ADGRB3: variants seen among roughly 807,000 people sequenced by gnomAD.
ADGRB3 encodes the protein adhesion G protein-coupled receptor B3.
ADGRB3 carries 37 observed loss-of-function variants against 193.4 expected under a neutral mutation model. That is an observed-to-expected ratio of 0.19 (90% CI 0.15 to 0.25). The LOEUF is 0.25. Ranked by LOEUF, ADGRB3 falls within the 10% of genes least tolerant of loss-of-function variation. The pLI is 1.00. For missense variants in ADGRB3, 1,637 were observed against 1,852.9 expected (o/e 0.88, Z 2.14); for synonymous variants, 690 against 644.2 (o/e 1.07, Z -1.08).
chr6:69,127,184 T>G (rs778903898), intron 17 of ADGRB3, among the ~76,000 whole-genome samples: 3 of 152,178 alleles, frequency 2.0e-5, no homozygotes, highest in Non-Finnish European at 2.9e-5. Flanking sequence ...TGACTAAAAT[T>G]TTCCTGGTTG....
At chr6:69,167,742 T>A (rs1582513715) in intron 17 of ADGRB3, among the ~76,000 whole-genome samples, 1 of 152,134 alleles carries the variant, frequency 6.6e-6, no homozygotes, top group East Asian at 1.9e-4. Context: ...TCTCCTGCCC[T>A]CCCACAAGGT....
intron 17 of ADGRB3, among the ~76,000 whole-genome samples, chr6:69,120,024 A>T (rs1773640135): frequency 6.6e-6 from 1 of 152,150 alleles, no homozygotes; most frequent in Admixed American, 6.5e-5. Context: ...TCAGATTCCA[A>T]AGATCATTTG....
At chr6:69,301,624 G>A (rs942267075) in intron 20 of ADGRB3, among the ~76,000 whole-genome samples, 5 of 151,862 alleles carry the variant, frequency 3.3e-5, no homozygotes, top group East Asian at 1.9e-4. Context: ...TAAGAGAAAA[G>A]TTATGACATT....
chr6:69,374,928 T>C (rs1769782228), intron 30 of ADGRB3, among the ~76,000 whole-genome samples: 1 of 152,080 alleles, frequency 6.6e-6, no homozygotes, highest in African/African-American at 2.4e-5. Context: ...ATAGCCACAC[T>C]GAATTTCAAA....
intron 16 of ADGRB3, among the ~76,000 whole-genome samples, chr6:69,073,326 C>T (rs1254890563): frequency 6.6e-6 from 1 of 152,180 alleles, no homozygotes; most frequent in African/African-American, 2.4e-5. Flanking sequence ...AGAGATGTGA[C>T]TACCAGTGGG....
At chr6:69,104,267 A>C (rs1448385975) in intron 17 of ADGRB3, among the ~76,000 whole-genome samples, 1 of 141,746 alleles carries the variant, frequency 7.1e-6, no homozygotes, top group African/African-American at 2.6e-5. Flanking sequence ...ATTCCCACCT[A>C]TGAGTGAGAA....
At position 69,344,027 on chromosome 6, in the gene ADGRB3, C is replaced by G. The variant is rs553720073; in HGVS notation, c.3459+4523C>G. On this transcript the variant is annotated intron_variant, in intron 26 of 31. Coordinates refer to ENST00000370598, the MANE Select transcript of ADGRB3 (RefSeq NM_001704.3). ...TGCTAGGAAACCACTTTCTTGGTGCCTGCACATTCTTCTCATCTTTCTGTC... is the reference window on the plus strand; with the variant it reads ...TGCTAGGAAACCACTTTCTTGGTGCGTGCACATTCTTCTCATCTTTCTGTC... Among the ~76,000 whole-genome samples the G allele has an allele frequency of 2.0e-5, 3 of 152,276 alleles. No individual in the cohort carries two copies. In the East Asian group the frequency reaches 5.8e-4, roughly 29 times the overall value.
At chr6:69,228,113 C>T (rs560815359) in intron 17 of ADGRB3, among the ~76,000 whole-genome samples, 2 of 152,084 alleles carry the variant, frequency 1.3e-5, no homozygotes, top group East Asian at 1.9e-4. Context: ...AAAAATGAGC[C>T]GGGTGCAGTG....
chr6:68,852,765 T>C (rs951943736), intron 3 of ADGRB3, among the ~76,000 whole-genome samples: 4 of 152,156 alleles, frequency 2.6e-5, no homozygotes, highest in African/African-American at 9.6e-5. Flanking sequence ...CTGCACACTG[T>C]AACAATGCAG....
chr6:69,356,954 A>C (rs1769350142), intron 28 of ADGRB3, among the ~76,000 whole-genome samples: 2 of 152,008 alleles, frequency 1.3e-5, no homozygotes, highest in African/African-American at 4.8e-5. Flanking sequence ...TTTACCTTTT[A>C]TTTGTTGATC....
intron 30 of ADGRB3, among the ~76,000 whole-genome samples, chr6:69,374,785 T>A (rs764702056): frequency 1.3e-5 from 2 of 152,092 alleles, no homozygotes; most frequent in Admixed American, 6.6e-5. Context: ...TTCAGTAATT[T>A]TTTTAAAAGA....
intron 17 of ADGRB3, among the ~76,000 whole-genome samples, chr6:69,187,752 G>T (rs1765100620): frequency 6.6e-6 from 1 of 152,170 alleles, no homozygotes; most frequent in Non-Finnish European, 1.5e-5. Context: ...CATCTATGAA[G>T]CCTTCCCAAC....
At chr6:69,361,711 A>G (rs570841479) in intron 29 of ADGRB3, among the ~76,000 whole-genome samples, 199 bp downstream of exon 29, 9 of 152,012 alleles carry the variant, frequency 5.9e-5, no homozygotes, top group Non-Finnish European at 1.3e-4. Flanking sequence ...TCAGTAGTGT[A>G]TTATCATCCC....
intron 3 of ADGRB3, among the ~76,000 whole-genome samples, chr6:68,869,023 G>A (rs1012254843): frequency 6.6e-5 from 10 of 151,354 alleles, no homozygotes; most frequent in African/African-American, 2.4e-4. Flanking sequence ...CTCCCTCAAA[G>A]CAAAATGAAT....
chr6:68,791,159 T>C (rs1201123913), intron 3 of ADGRB3, among the ~76,000 whole-genome samples: 2 of 152,112 alleles, frequency 1.3e-5, no homozygotes, highest in South Asian at 2.1e-4. Context: ...CTTAGCAATA[T>C]CTTTCTCTAA....
chr6:68,830,173 C>T (rs780658159), intron 3 of ADGRB3, among the ~76,000 whole-genome samples: 22 of 152,216 alleles, frequency 1.4e-4, no homozygotes, highest in Middle Eastern at 3.4e-3. Flanking sequence ...GGACTGTTAA[C>T]GGTCTCCATT....
chr6:69,217,002 A>G (rs1765783713), intron 17 of ADGRB3, among the ~76,000 whole-genome samples: 1 of 152,274 alleles, frequency 6.6e-6, no homozygotes, highest in East Asian at 1.9e-4. Flanking sequence ...TTGAGGAAAA[A>G]GGGAAAAGAC....
intron 17 of ADGRB3, among the ~76,000 whole-genome samples, chr6:69,214,314 G>A (rs1765729861): frequency 6.6e-6 from 1 of 152,052 alleles, no homozygotes; most frequent in East Asian, 1.9e-4. Flanking sequence ...GACTATATGA[G>A]GTACCTGATA....
At chr6:69,124,886 A>AT (rs60143202) in intron 17 of ADGRB3, among the ~76,000 whole-genome samples, 81,060 of 149,366 alleles carry the variant, frequency 0.54, 22,717 homozygotes, top group East Asian at 0.93. Flanking sequence ...CAGTTTTGCC[A>AT]TTTTTTTTTT....
Sources: gnomAD v4.1 joint callset for allele counts (sites outside exome capture counted in the v4.1 genomes callset) on GRCh38, gnomAD v4.1.1 for gene constraint, MANE v1.5 for transcripts, NCBI Gene and HGNC (gene_info 2026-07-23, HGNC 2026-07-21) for gene names.